The following IRAK1BP1 variants were observed in gnomAD, a reference collection of about 807,000 sequenced individuals.
IRAK1BP1 encodes interleukin 1 receptor associated kinase 1 binding protein 1.
A neutral mutation model predicts 28.0 loss-of-function variants in IRAK1BP1; 24 were observed. The ratio of observed to expected loss-of-function variants is 0.86; its 90% CI spans 0.62 to 1.20. The LOEUF (loss-of-function observed/expected upper bound fraction) is 1.20. IRAK1BP1 is among the 50% of genes most tolerant of loss of function. The pLI is 0.00. For missense variants in IRAK1BP1, 336 were observed against 316.7 expected (o/e 1.06, Z -0.46); for synonymous variants, 131 against 116.3 (o/e 1.13, Z -0.81).
the IRAK1BP1 span, chr6:78,955,764 T>A: frequency 5.5e-6 from 3 of 549,832 alleles, no homozygotes; most frequent in South Asian, 5.5e-5. Context: ...AAAACCATAT[T>A]TTAAGGTAAA....
chr6:78,909,130 A>G (rs1368270597), intron 4 of IRAK1BP1, among the ~76,000 whole-genome samples: 1 of 152,254 alleles, frequency 6.6e-6, no homozygotes, highest in East Asian at 1.9e-4. Flanking sequence ...GCAAGCAAAT[A>G]CAGATGATCC....
At chr6:78,964,967 A>T in the IRAK1BP1 span, among the ~76,000 whole-genome samples, 1 of 152,198 alleles carries the variant, frequency 6.6e-6, no homozygotes, top group African/African-American at 2.4e-5. Context: ...ACAAACAAAA[A>T]TGGGCAATGA....
the IRAK1BP1 span, among the ~76,000 whole-genome samples, chr6:78,975,637 C>A: frequency 1.3e-5 from 2 of 152,146 alleles, no homozygotes; most frequent in South Asian, 4.1e-4. Context: ...ACTGTCTCAG[C>A]CCAAAATCTC....
At position 78,893,314 on chromosome 6, in the gene IRAK1BP1, GTATATATATATATA is replaced by G. The variant is rs60728695; in HGVS notation, c.382-4493_382-4480del. Among the ~76,000 whole-genome samples, 836 of 103,384 alleles carry G rather than the reference GTATATATATATATA, an allele frequency of 8.1e-3. 11 individuals are homozygous for G. The highest frequency in any genetic ancestry group is 0.021 in the African/African-American group (610 of 29,368). The allele number at this position is 103,384 out of a possible 152,430, so 67.8% of individuals were successfully genotyped here. A position where few individuals can be genotyped will look rare whatever the true frequency, so the allele number is the denominator to read the frequency against. ...TATATGTGTGTGTGTGTGTGTGTGT[GTATATATATATATA>G]TATATATATATATATATATATCAAC... On this transcript the variant is annotated intron_variant, in intron 2 of 3. Coordinates refer to ENST00000369940, the MANE Select transcript of IRAK1BP1 (RefSeq NM_001010844.4).
At chr6:78,973,604 C>T in the IRAK1BP1 span, among the ~76,000 whole-genome samples, 1 of 108,880 alleles carries the variant, frequency 9.2e-6, no homozygotes, top group East Asian at 2.7e-4. Context: ...ACAGTCAAGA[C>T]CCATCAGTGT....
At chr6:78,965,729 C>T in the IRAK1BP1 span, 1 of 1,575,960 alleles carries the variant, frequency 6.3e-7, no homozygotes, top group Non-Finnish European at 8.7e-7. Context: ...CTCCATATCC[C>T]AAGGACTCAT....
the IRAK1BP1 span, among the ~76,000 whole-genome samples, chr6:78,977,219 C>T: frequency 6.6e-6 from 1 of 150,866 alleles, no homozygotes; most frequent in African/African-American, 2.4e-5. Context: ...AGTTCATGTC[C>T]TTTGTAGGGA....
chr6:78,970,009 C>A, the IRAK1BP1 span: 2 of 1,607,432 alleles, frequency 1.2e-6, no homozygotes, highest in Non-Finnish European at 1.7e-6. Context: ...AAACAATCTA[C>A]AATACTAAGA....
chr6:78,970,988 T>A, the IRAK1BP1 span: 2 of 730,526 alleles, frequency 2.7e-6, no homozygotes, highest in Admixed American at 6.5e-5. Flanking sequence ...TAATGCCTTT[T>A]CAGCTAATAG....
At chr6:78,874,520 G>C (rs1298127325) in intron 1 of IRAK1BP1, among the ~76,000 whole-genome samples, 9 of 152,104 alleles carry the variant, frequency 5.9e-5, no homozygotes, top group African/African-American at 2.2e-4. Context: ...GTACTATCCT[G>C]TTTAAATTAT....
At chr6:78,882,539 C>T (rs374624903) in intron 1 of IRAK1BP1, among the ~76,000 whole-genome samples, 1 of 152,136 alleles carries the variant, frequency 6.6e-6, no homozygotes. Context: ...AGGCATTTCA[C>T]CTCTATGGTA....
At chr6:78,975,919 G>C in the IRAK1BP1 span, among the ~76,000 whole-genome samples, 1 of 150,638 alleles carries the variant, frequency 6.6e-6, no homozygotes, top group Admixed American at 6.6e-5. Context: ...TGGGTAGGAA[G>C]AATCAATATT....
intron 1 of IRAK1BP1, among the ~76,000 whole-genome samples, chr6:78,884,598 C>A (rs1771347371): frequency 6.6e-6 from 1 of 152,004 alleles, no homozygotes; most frequent in Non-Finnish European, 1.5e-5. Context: ...CTTCTCTATG[C>A]CAAATACTTG....
At chr6:78,874,754 A>G (rs1438481792) in intron 1 of IRAK1BP1, among the ~76,000 whole-genome samples, 1 of 152,212 alleles carries the variant, frequency 6.6e-6, no homozygotes, top group Non-Finnish European at 1.5e-5. Context: ...GTTGTGTCCC[A>G]GTCCATTTAT....
intron 4 of IRAK1BP1, among the ~76,000 whole-genome samples, chr6:78,919,970 T>C (rs1772675553): frequency 6.6e-6 from 1 of 152,110 alleles, no homozygotes; most frequent in Non-Finnish European, 1.5e-5. Context: ...AAAAAGTTAA[T>C]TTTGGTGGGG....
the IRAK1BP1 span, among the ~76,000 whole-genome samples, chr6:78,974,017 C>T: frequency 6.6e-6 from 1 of 152,168 alleles, no homozygotes; most frequent in African/African-American, 2.4e-5. Context: ...AGCTCTGCAC[C>T]AAGCAGACCT....
At chr6:78,878,359 C>T (rs184532597) in intron 1 of IRAK1BP1, among the ~76,000 whole-genome samples, 1 of 152,320 alleles carries the variant, frequency 6.6e-6, no homozygotes, top group Non-Finnish European at 1.5e-5. Flanking sequence ...GTTCTGCAGC[C>T]TCCGCTGCTG....
intron 1 of IRAK1BP1, among the ~76,000 whole-genome samples, chr6:78,873,455 G>T (rs1009452693): frequency 3.3e-5 from 5 of 151,228 alleles, no homozygotes. Context: ...GGGTGTATTG[G>T]GTTCTTCTCA....
At chr6:78,962,986 A>G in the IRAK1BP1 span, 1 of 827,944 alleles carries the variant, frequency 1.2e-6, no homozygotes, top group Non-Finnish European at 1.9e-6. Context: ...AATGTCTGAA[A>G]CCACTGACTT....
Sources: gnomAD v4.1 joint callset for allele counts (sites outside exome capture counted in the v4.1 genomes callset) on GRCh38, gnomAD v4.1.1 for gene constraint, MANE v1.5 for transcripts, NCBI Gene and HGNC (gene_info 2026-07-23, HGNC 2026-07-21) for gene names.